FBXW10B: variants seen among roughly 807,000 people sequenced by gnomAD.
FBXW10B encodes the protein F-box and WD repeat domain containing protein 10B.
the FBXW10B span, among the ~76,000 whole-genome samples, chr17:15,601,946 A>C: frequency 1.3e-5 from 2 of 152,098 alleles, no homozygotes; most frequent in Non-Finnish European, 2.9e-5. Flanking sequence ...CCTTGTCTCT[A>C]CTAAAAATAC....
At chr17:15,601,138 A>C in the FBXW10B span, among the ~76,000 whole-genome samples, 1 of 148,878 alleles carries the variant, frequency 6.7e-6, no homozygotes. Flanking sequence ...GGCCAGGTGC[A>C]GTAGCTCACG....
At chr17:15,603,386 T>C in the FBXW10B span, among the ~76,000 whole-genome samples, 1 of 152,104 alleles carries the variant, frequency 6.6e-6, no homozygotes, top group Non-Finnish European at 1.5e-5. Flanking sequence ...CAATGCTTTA[T>C]AGTAAATCTC....
At chr17:15,578,001 C>T in the FBXW10B span, among the ~76,000 whole-genome samples, 476 of 147,778 alleles carry the variant, frequency 3.2e-3, 3 homozygotes, top group Middle Eastern at 0.021. Context: ...AGAAAATGTC[C>T]TTGGAGGAGT....
At chr17:15,592,373 C>G in the FBXW10B span, among the ~76,000 whole-genome samples, 2 of 143,498 alleles carry the variant, frequency 1.4e-5, no homozygotes, top group Non-Finnish European at 3.0e-5. Flanking sequence ...AGGCTGCCCT[C>G]TTTAAGATGG....
the FBXW10B span, chr17:15,588,901 G>A: frequency 1.9e-6 from 3 of 1,614,080 alleles, no homozygotes; most frequent in Non-Finnish European, 2.5e-6. Context: ...TCCAGGAGTT[G>A]CCATTCTGAC....
chr17:15,578,621 G>A, the FBXW10B span, among the ~76,000 whole-genome samples: 1 of 152,072 alleles, frequency 6.6e-6, no homozygotes, highest in South Asian at 2.1e-4. Context: ...GGATCCAGGA[G>A]TAATGGAGGG....
At chr17:15,593,375 T>G in the FBXW10B span, 5 of 1,614,204 alleles carry the variant, frequency 3.1e-6, no homozygotes, top group Non-Finnish European at 4.2e-6. Flanking sequence ...CAGGATCGCC[T>G]CTGCCATTGG....
chr17:15,616,030 C>T, the FBXW10B span, among the ~76,000 whole-genome samples: 2 of 152,014 alleles, frequency 1.3e-5, no homozygotes, highest in African/African-American at 4.8e-5. Context: ...TAAAATGTCT[C>T]GAGTTGTTTA....
chr17:15,601,222 A>G, the FBXW10B span, among the ~76,000 whole-genome samples: 3 of 147,022 alleles, frequency 2.0e-5, no homozygotes, highest in Non-Finnish European at 3.0e-5. Flanking sequence ...ATCCTGGCTA[A>G]CACGGTGAAA....
the FBXW10B span, among the ~76,000 whole-genome samples, chr17:15,601,049 CAAAAAAAAAA>C: frequency 0.04 from 1,120 of 28,282 alleles, 82 homozygotes; most frequent in African/African-American, 0.14. Context: ...GACTCCATCT[CAAAAAAAAAA>C]AAAAAAAAAA....
At chr17:15,594,970 C>A in the FBXW10B span, 1,019 of 1,574,010 alleles carry the variant, frequency 6.5e-4, 5 homozygotes, top group East Asian at 0.014. Flanking sequence ...TCAGATGAAT[C>A]CCAAAGCCAC....
chr17:15,584,968 C>CTTTTTTTTT, the FBXW10B span, among the ~76,000 whole-genome samples: 2 of 125,954 alleles, frequency 1.6e-5, no homozygotes, highest in Non-Finnish European at 3.3e-5. Context: ...CCTTCTTCTT[C>CTTTTTTTTT]TTTTTTTTTT....
At chr17:15,602,381 A>T in the FBXW10B span, among the ~76,000 whole-genome samples, 555 of 152,214 alleles carry the variant, frequency 3.6e-3, 2 homozygotes, top group African/African-American at 0.013. Flanking sequence ...AACTGCTCAC[A>T]TTATTCATTT....
chr17:15,597,053 TA>T, the FBXW10B span, among the ~76,000 whole-genome samples: 10,712 of 142,998 alleles, frequency 0.075, 495 homozygotes, highest in East Asian at 0.14. Flanking sequence ...CAGGTAAAAT[TA>T]AAAAAAAAAA....
chr17:15,619,442 G>C, the FBXW10B span: 3 of 1,613,860 alleles, frequency 1.9e-6, no homozygotes, highest in Non-Finnish European at 2.5e-6. Flanking sequence ...CCGGCATAGA[G>C]GGATGGAATC....
chr17:15,584,967 T>TA, the FBXW10B span, among the ~76,000 whole-genome samples: 27 of 85,044 alleles, frequency 3.2e-4, no homozygotes, highest in Non-Finnish European at 6.4e-4. Flanking sequence ...ACCTTCTTCT[T>TA]CTTTTTTTTT....
At chr17:15,591,352 C>T in the FBXW10B span, among the ~76,000 whole-genome samples, 19 of 152,230 alleles carry the variant, frequency 1.2e-4, no homozygotes, top group African/African-American at 3.9e-4. Context: ...TGCAGTGGTG[C>T]GATCTCGGCT....
chr17:15,572,986 G>C, the FBXW10B span: 19 of 152,274 alleles, frequency 1.2e-4, no homozygotes, highest in African/African-American at 4.6e-4. Context: ...GCAGCTCCTG[G>C]CATGACTTGA....
At chr17:15,590,327 A>T in the FBXW10B span, among the ~76,000 whole-genome samples, 4 of 149,810 alleles carry the variant, frequency 2.7e-5, no homozygotes, top group Admixed American at 2.7e-4. Context: ...AGGGACTGGC[A>T]CAGATCAGGA....
Sources: gnomAD v4.1 joint callset for allele counts (sites outside exome capture counted in the v4.1 genomes callset) on GRCh38, gnomAD v4.1.1 for gene constraint, MANE v1.5 for transcripts, NCBI Gene and HGNC (gene_info 2026-07-23, HGNC 2026-07-21) for gene names.